The following SPTA1 variants were observed in gnomAD, a reference collection of about 807,000 sequenced individuals.
SPTA1 encodes the protein spectrin alpha chain, erythrocytic 1.
SPTA1 carries 177 observed loss-of-function variants against 324.7 expected under a neutral mutation model. The observed-to-expected ratio is 0.55, with a 90% CI of 0.48 to 0.62. The LOEUF is 0.62. SPTA1 is among the 20% of genes least tolerant of loss of function. The pLI is 0.00. For synonymous variants in SPTA1, 1,195 were observed against 1,041.3 expected (o/e 1.15, Z -2.84); for missense variants, 3,162 against 2,883.6 (o/e 1.10, Z -2.21).
intron 5 of SPTA1, among the ~76,000 whole-genome samples, chr1:158,680,157 G>T (rs191419742): frequency 2.8e-4 from 42 of 152,104 alleles, no homozygotes; most frequent in Non-Finnish European, 2.8e-4. Context: ...CTTGTATAAT[G>T]ATATTACATA....
intron 18 of SPTA1, among the ~76,000 whole-genome samples, chr1:158,659,953 A>C (rs1413045796): frequency 6.6e-6 from 1 of 152,118 alleles, no homozygotes; most frequent in Non-Finnish European, 1.5e-5. Context: ...TTGTGAATCC[A>C]CTAAGAGTGT....
At chr1:158,637,989 A>C in intron 36 of SPTA1, 44 bp downstream of exon 36, 4 of 1,595,648 alleles carry the variant, frequency 2.5e-6, no homozygotes, top group Non-Finnish European at 3.4e-6. Context: ...TGGATTATCT[A>C]CTCGCTTGTA....
intron 35 of SPTA1, among the ~76,000 whole-genome samples, chr1:158,638,745 CAAAAA>C (rs34072412): frequency 3.4e-4 from 31 of 92,184 alleles, no homozygotes; most frequent in Admixed American, 1.3e-3. Context: ...GAGCTGGTAC[CAAAAA>C]AAAAAAAAAA....
chr1:158,635,801 A>C (rs1651023990), intron 38 of SPTA1, 112 bp downstream of exon 38: 2 of 1,498,324 alleles, frequency 1.3e-6, no homozygotes, highest in Non-Finnish European at 1.8e-6. Context: ...AAGGAGATAG[A>C]TAGGTAGTTG....
chr1:158,645,934 T>C (rs1242042867), intron 27 of SPTA1, among the ~76,000 whole-genome samples: 1 of 152,206 alleles, frequency 6.6e-6, no homozygotes, highest in Non-Finnish European at 1.5e-5. Flanking sequence ...GCAGACATCT[T>C]CAATAAAACC....
chr1:158,653,448 C>A (rs778160870), intron 21 of SPTA1, 23 bp from the exon 22 acceptor site: 36 of 1,613,494 alleles, frequency 2.2e-5, no homozygotes, highest in Non-Finnish European at 2.8e-5. Context: ...CAGATCCCCA[C>A]TCCGTCATTA....
intron 35 of SPTA1, chr1:158,639,106 A>G (rs1651327226): frequency 6.0e-6 from 1 of 167,232 alleles, no homozygotes; most frequent in Non-Finnish European, 1.3e-5. Flanking sequence ...AACAACTGTC[A>G]GCATTTTTAT....
intron 3 of SPTA1, 26 bp from the exon 4 acceptor site, chr1:158,681,693 T>G (rs747106820): frequency 6.2e-7 from 1 of 1,613,248 alleles, no homozygotes; most frequent in Non-Finnish European, 8.5e-7. Flanking sequence ...GCAAAACCAC[T>G]CAGCCACAGA....
At chr1:158,642,321 TA>T (rs889621252) in intron 33 of SPTA1, 89 bp downstream of exon 33, 150 of 1,362,510 alleles carry the variant, frequency 1.1e-4, no homozygotes, top group East Asian at 6.5e-4. Flanking sequence ...ATAATAAAAT[TA>T]AAAAAAATAC....
intron 34 of SPTA1, 39 bp from the exon 35 acceptor site, chr1:158,639,725 A>C (rs1008854809): frequency 1.2e-6 from 2 of 1,612,988 alleles, no homozygotes; most frequent in Non-Finnish European, 1.7e-6. Flanking sequence ...TGCCAGGTGA[A>C]ACTGCCTTTA....
At chr1:158,677,865 G>T (rs750260421) in intron 6 of SPTA1, 31 bp from the exon 7 acceptor site, 1 of 1,613,162 alleles carries the variant, frequency 6.2e-7, no homozygotes, top group Admixed American at 1.7e-5. Context: ...TCCAACCAAA[G>T]AAGATAGCAA....
In SPTA1 at chr1:158,656,920, G is replaced by T. The variant is rs551655651; in HGVS notation, c.2806-264C>A. Among the ~76,000 whole-genome samples the T allele has an allele frequency of 1.4e-4, 22 of 152,246 alleles. 1 individual carries two copies. The South Asian group carries it at 4.4e-3, about 30-fold the overall frequency. ...CAACACAGATTATAGCTGAAAAGAGGATGCTGTTGATACTGTTACTTTATA... is the reference window on the plus strand; with the variant it reads ...CAACACAGATTATAGCTGAAAAGAGTATGCTGTTGATACTGTTACTTTATA... On this transcript the variant is annotated intron_variant, in intron 19 of 51. Coordinates refer to ENST00000643759, the MANE Select transcript of SPTA1 (RefSeq NM_003126.4).
In SPTA1 at chr1:158,623,031, C is replaced by T. The variant is rs747116499; in HGVS notation, c.6072G>A (p.Ser2024=). 1.4e-5 allele frequency: 23 copies of T among 1,614,006 alleles called. No individual in the cohort carries two copies. Among genetic ancestry groups the T allele is most frequent in the Admixed American group, 6.7e-5 (4 of 60,004 alleles). ...LKRWEQLLEA[S]AVHRQKLLEK... ...CCAGCAATTTCTGTCTGTGGACTGC[C>T]GAGGCTTCCAGCAACTGTTCCCAGC... Residue 2024 remains serine (S), a synonymous_variant, in exon 43 of 52, where the codon TCG becomes TCA. Transcript: ENST00000643759.
Position 158,672,112 on chromosome 1 carries a change from G to C in SPTA1, c.1435C>G (p.His479Asp). ...TGCTCACTGTCTCTGTAGAAGAGATGAAAGTCCAAGCACTGCTCATACTGA... is the reference window on the plus strand; with the variant it reads ...TGCTCACTGTCTCTGTAGAAGAGATCAAAGTCCAAGCACTGCTCATACTGA... ...HRQYEQCLDF[H>D]LFYRDSEQVD... Residue 479 changes from histidine to aspartate, a missense_variant, in exon 11 of 52, where the codon CAT (histidine) becomes GAT (aspartate). His to Asp is a moderately conservative substitution (Grantham distance 81). Coordinates refer to ENST00000643759, the MANE Select transcript of SPTA1 (RefSeq NM_003126.4). The C allele has an allele frequency of 6.2e-7, 1 of 1,614,054 alleles. No individual in the cohort carries two copies. Among genetic ancestry groups the C allele is most frequent in the Non-Finnish European group, 8.5e-7 (1 of 1,179,988 alleles).
chr1:158,635,651 A>G (rs1571410499), intron 38 of SPTA1, among the ~76,000 whole-genome samples: 1 of 152,376 alleles, frequency 6.6e-6, no homozygotes, highest in East Asian at 1.9e-4. Context: ...GAAGGATAAC[A>G]CATGTAGGAA....
intron 15 of SPTA1, 53 bp downstream of exon 15, chr1:158,667,805 A>C: frequency 6.4e-7 from 1 of 1,567,486 alleles, no homozygotes; most frequent in Non-Finnish European, 8.7e-7. Context: ...AGATAAAGGT[A>C]GTAGATTTCA....
In SPTA1 at chr1:158,674,553, T is replaced by A; in HGVS notation, c.1235A>T (p.His412Leu). 6.2e-7 allele frequency: 1 copy of A among 1,614,112 alleles called. No individual in the cohort carries two copies. The highest frequency in any genetic ancestry group is 8.5e-7 in the Non-Finnish European group (1 of 1,179,996). ...VAGGEVLLDR[H>L]QQHKHEIDSY... ...TTTCTTCTCTACCTTATGCTGCTGA[T>A]GCCTGTCCAGCAGAACTTCTCCACC... The change falls in exon 9 of 52, where the codon CAT becomes CTT. Residue 412 changes from histidine (H) to leucine (L), a missense_variant. By Grantham distance (99) the His-to-Leu change is moderately conservative. Transcript: ENST00000643759.
At position 158,634,572 on chromosome 1, in the gene SPTA1, C is replaced by T. The variant is rs1273405728; in HGVS notation, c.5536G>A (p.Asp1846Asn). The change falls in exon 39 of 52, where the codon GAT (aspartate) becomes AAT (asparagine). Residue 1846 changes from aspartate to asparagine, a missense_variant. By Grantham distance (23) the Asp-to-Asn change is conservative (BLOSUM62 1). Coordinates refer to ENST00000643759, the MANE Select transcript of SPTA1 (RefSeq NM_003126.4). ...NEKNALAVRG[D>N]CGDTLAATQS... is the part of the protein sequence containing the mutation. ...GTAGCAGCTAATGTATCTCCACAAT[C>T]TCCTCGGACAGCCAAAGCATTCTTT... The T allele has an allele frequency of 1.2e-6, 2 of 1,614,134 alleles. No individual in the cohort carries two copies. Among genetic ancestry groups the T allele is most frequent in the South Asian group, 1.1e-5 (1 of 91,078 alleles).
chr1:158,612,372 G>T, intron 51 of SPTA1: 1 of 222,678 alleles, frequency 4.5e-6, no homozygotes, highest in Non-Finnish European at 9.0e-6. Flanking sequence ...ACTTCTGGTT[G>T]TAATAAAATT....
Sources: gnomAD v4.1 joint callset for allele counts (sites outside exome capture counted in the v4.1 genomes callset) on GRCh38, gnomAD v4.1.1 for gene constraint, MANE v1.5 for transcripts, NCBI Gene and HGNC (gene_info 2026-07-23, HGNC 2026-07-21) for gene names.